Variants in SLC24A4 observed in about 807,000 individuals in gnomAD.
The protein encoded by SLC24A4 is solute carrier family 24 member 4.
Under a neutral mutation model 79.0 loss-of-function variants are expected in SLC24A4, and 53 were observed. The observed-to-expected ratio is 0.67, with a 90% CI of 0.54 to 0.84. The LOEUF (loss-of-function observed/expected upper bound fraction) is 0.84. SLC24A4 is among the 40% of genes least tolerant of loss of function. The probability of loss-of-function intolerance (pLI) is 0.00; values close to 1 mark genes in which losing one functional copy is unlikely to be tolerated. For missense variants in SLC24A4, 731 were observed against 822.0 expected (o/e 0.89, Z 1.35); for synonymous variants, 323 against 323.8 (o/e 1.00, Z 0.03).
At chr14:92,358,533 C>T (rs1399117515) in intron 2 of SLC24A4, among the ~76,000 whole-genome samples, 3 of 151,040 alleles carry the variant, frequency 2.0e-5, no homozygotes, top group Non-Finnish European at 2.9e-5. Context: ...TATCCGCTGG[C>T]CTCCCAGACA....
intron 2 of SLC24A4, among the ~76,000 whole-genome samples, chr14:92,411,714 T>A (rs1471772262): frequency 6.6e-6 from 1 of 152,226 alleles, no homozygotes; most frequent in Non-Finnish European, 1.5e-5. Context: ...CCTAGGATTA[T>A]GTGCCTTCCT....
intron 2 of SLC24A4, among the ~76,000 whole-genome samples, chr14:92,357,727 C>T (rs149179952): frequency 1.2e-4 from 18 of 152,206 alleles, no homozygotes; most frequent in East Asian, 1.2e-3. Context: ...CACAGAGTTT[C>T]GGTTTGGGAA....
chr14:92,434,966 G>T (rs1437098774), intron 3 of SLC24A4, among the ~76,000 whole-genome samples: 2 of 152,092 alleles, frequency 1.3e-5, no homozygotes, highest in African/African-American at 4.8e-5. Flanking sequence ...TAGAGACGGG[G>T]TTTAACCATG....
At chr14:92,344,749 C>T (rs1302573947) in intron 2 of SLC24A4, among the ~76,000 whole-genome samples, 1 of 152,090 alleles carries the variant, frequency 6.6e-6, no homozygotes, top group Admixed American at 6.6e-5. Context: ...GAAGACATGA[C>T]AACTGCCTGA....
chr14:92,354,168 C>CTT (rs111511708), intron 2 of SLC24A4, among the ~76,000 whole-genome samples: 6 of 142,498 alleles, frequency 4.2e-5, no homozygotes, highest in Admixed American at 7.0e-5. Context: ...TTACTGACTA[C>CTT]TTTTTTTTTT....
chr14:92,362,946 G>A (rs1364579845), intron 2 of SLC24A4, among the ~76,000 whole-genome samples: 1 of 152,212 alleles, frequency 6.6e-6, no homozygotes, highest in Non-Finnish European at 1.5e-5. Context: ...ATGCTGCAGG[G>A]AGCACCCGAG....
intron 2 of SLC24A4, among the ~76,000 whole-genome samples, chr14:92,405,295 C>T (rs868658016): frequency 2.6e-5 from 4 of 152,152 alleles, no homozygotes; most frequent in Non-Finnish European, 4.4e-5. Flanking sequence ...TAAGAACAGG[C>T]CATAGGAGCT....
In SLC24A4 at chr14:92,486,757, C is replaced by T; in HGVS notation, c.1514C>T (p.Ala505Val). The change falls in exon 14 of 17, where the codon GCC becomes GTC. Residue 505 changes from alanine (A) to valine (V), a missense_variant. By Grantham distance (64) the Ala-to-Val change is moderately conservative. Coordinates refer to ENST00000532405, the MANE Select transcript of SLC24A4 (RefSeq NM_153646.4). ...AAGTSVPDCM[A>V]SLIVARQGLG... ...GGGACAAGTGTTCCAGACTGCATGGCCAGCCTAATTGTGGCGAGACAAGGT... is the reference window on the plus strand; with the variant it reads ...GGGACAAGTGTTCCAGACTGCATGGTCAGCCTAATTGTGGCGAGACAAGGT... The T allele has an allele frequency of 2.5e-6, 4 of 1,613,916 alleles. No individual in the cohort carries two copies. Among genetic ancestry groups the T allele is most frequent in the Non-Finnish European group, 3.4e-6 (4 of 1,179,856 alleles).
chr14:92,440,855 G>T (rs1419421407), intron 4 of SLC24A4, among the ~76,000 whole-genome samples: 7 of 151,166 alleles, frequency 4.6e-5, no homozygotes, highest in African/African-American at 1.7e-4. Flanking sequence ...CAAGCAGAGA[G>T]GGAAGGGAAG....
intron 2 of SLC24A4, among the ~76,000 whole-genome samples, chr14:92,391,525 T>C (rs1466868570): frequency 6.6e-6 from 1 of 152,128 alleles, no homozygotes; most frequent in African/African-American, 2.4e-5. Context: ...GTGCCTAAAG[T>C]AGTGTTTGCT....
intron 2 of SLC24A4, among the ~76,000 whole-genome samples, chr14:92,405,397 G>A (rs1890319436): frequency 6.6e-6 from 1 of 152,336 alleles, no homozygotes; most frequent in Non-Finnish European, 1.5e-5. Context: ...TAGCAAGGCA[G>A]GGGTTACCTG....
chr14:92,467,378 A>T (rs758630273), intron 12 of SLC24A4, among the ~76,000 whole-genome samples: 4 of 152,240 alleles, frequency 2.6e-5, no homozygotes, highest in Non-Finnish European at 2.9e-5. Flanking sequence ...ACACACTCAC[A>T]AATTTAGGAA....
At position 92,496,389 on chromosome 14, in the gene SLC24A4, C is replaced by T. The variant is rs1164000160; in HGVS notation, c.*2761C>T. 6.6e-6 allele frequency: 1 copy of T among 152,086 alleles called. No homozygotes were observed. Among genetic ancestry groups the T allele is most frequent in the Non-Finnish European group, 1.5e-5 (1 of 68,024 alleles). 9.4% of individuals were successfully genotyped at this position (152,086 alleles called of 1,614,324 possible). On this transcript the variant is annotated 3_prime_UTR_variant, in exon 17 of 17. Transcript: ENST00000532405. The stretch of plus-strand genomic sequence containing the variant: ...CTACGCAGGATTACTTTATTTTATT[C>T]CCAAAGCTCATTAGCATGGGATAAT...
Position 92,443,460 on chromosome 14 carries a change from A to G in SLC24A4, c.643A>G (p.Ile215Val), listed in dbSNP as rs753353424. Residue 215 changes from isoleucine (I) to valine (V), a missense_variant, in exon 7 of 17, where the codon ATC becomes GTC. Coordinates refer to ENST00000532405, the MANE Select transcript of SLC24A4 (RefSeq NM_153646.4). ...CTCCGTGTACTACACCATCTCTGTC[A>G]TCGTGCTCATCGTGGTGAGTTGCCC... The part of the protein sequence containing the change: ...RDSVYYTISV[I>V]VLIVFIYDEQ... 6 of 1,614,066 alleles carry G rather than the reference A, an allele frequency of 3.7e-6. No individual in the cohort carries two copies. The South Asian group carries it at 6.6e-5, about 18-fold the overall frequency.
At chr14:92,329,859 C>A (rs1885366620) in intron 2 of SLC24A4, among the ~76,000 whole-genome samples, 1 of 152,214 alleles carries the variant, frequency 6.6e-6, no homozygotes, top group Non-Finnish European at 1.5e-5. Flanking sequence ...TTACTCACTT[C>A]ATTGTTGGGT....
chr14:92,402,854 C>T (rs757425649), intron 2 of SLC24A4, among the ~76,000 whole-genome samples: 1 of 152,122 alleles, frequency 6.6e-6, no homozygotes, highest in African/African-American at 2.4e-5. Context: ...CCTGGGAATT[C>T]GAGATGAGAT....
intron 13 of SLC24A4, chr14:92,484,563 A>G: frequency 1.0e-6 from 1 of 985,386 alleles, no homozygotes; most frequent in African/African-American, 1.7e-5. Flanking sequence ...AGTGAATGAA[A>G]CAAGTCATGT....
Position 92,494,548 on chromosome 14 carries a change from T to C in SLC24A4, c.*920T>C, listed in dbSNP as rs1895858910. The C allele has an allele frequency of 6.6e-6, 1 of 152,252 alleles. No homozygotes were observed. Among genetic ancestry groups the C allele is most frequent in the Admixed American group, 6.5e-5 (1 of 15,280 alleles). 9.4% of individuals were successfully genotyped at this position (152,252 alleles called of 1,614,324 possible). ...ACAGCTGTACTTTCCAGATCTTCTA[T>C]GTGACACAATGCACTGTCCTTGTGG... On this transcript the variant is annotated 3_prime_UTR_variant, in exon 17 of 17. Transcript: ENST00000532405. The surrounding 1 kb of genome is among the most constrained non-coding windows in gnomAD (Gnocchi z 4.6).
chr14:92,395,678 T>A (rs1245638869), intron 2 of SLC24A4, among the ~76,000 whole-genome samples: 5 of 152,118 alleles, frequency 3.3e-5, no homozygotes, highest in Admixed American at 6.5e-5. Flanking sequence ...TGGCCTGCAC[T>A]CAGTCAAGGA....
Sources: gnomAD v4.1 joint callset for allele counts (sites outside exome capture counted in the v4.1 genomes callset) on GRCh38, gnomAD v4.1.1 for gene constraint, Gnocchi (gnomAD v3.1) non-coding constraint, MANE v1.5 for transcripts, NCBI Gene and HGNC (gene_info 2026-07-23, HGNC 2026-07-21) for gene names.